Variants in TRAF2 observed in about 807,000 individuals in gnomAD.
The protein encoded by TRAF2 is TNF receptor associated factor 2.
In TRAF2, 6 loss-of-function variants were observed where a neutral mutation model predicts 55.6. The observed-to-expected ratio is 0.11, with a 90% confidence interval of 0.06 to 0.21. The LOEUF (loss-of-function observed/expected upper bound fraction) is 0.21. TRAF2 is among the 10% of genes least tolerant of loss of function. The pLI is 1.00. For missense variants in TRAF2, 561 were observed against 684.5 expected, an observed-to-expected ratio of 0.82 and a Z score of 2.01; for synonymous variants, 329 against 276.3, an observed-to-expected ratio of 1.19 and a Z score of -1.89.
chr9:136,887,828 A>C (rs775768145), intron 1 of TRAF2, among the ~76,000 whole-genome samples: 2 of 152,120 alleles, frequency 1.3e-5, no homozygotes, highest in African/African-American at 4.8e-5. Context: ...ATTTGGTATT[A>C]TTTTGAGCCT....
Position 136,903,462 on chromosome 9 carries a change from C to CT in TRAF2, c.366+2943dup, listed in dbSNP as rs1459444187. Among the ~76,000 whole-genome samples, 20 of 152,122 alleles carry CT rather than the reference C, an allele frequency of 1.3e-4. 1 individual carries two copies. Among genetic ancestry groups the CT allele is most frequent in the African/African-American group, 4.8e-4 (20 of 41,488 alleles). On this transcript the variant is annotated intron_variant, in intron 4 of 10. Coordinates refer to ENST00000247668, the MANE Select transcript of TRAF2 (RefSeq NM_021138.4). ...AAGTATGCTCGGCCTCATGGACATTCTAGTGACATTCAGAGGGATGACGAC... is the reference window on the plus strand; with the variant it reads ...AAGTATGCTCGGCCTCATGGACATTCTTAGTGACATTCAGAGGGATGACGAC...
At chr9:136,920,873 G>A (rs538622226) in intron 8 of TRAF2, among the ~76,000 whole-genome samples, 165 bp from the exon 9 acceptor site, 1 of 152,320 alleles carries the variant, frequency 6.6e-6, no homozygotes, top group Non-Finnish European at 1.5e-5. Context: ...ACCACCTCTT[G>A]GCGAGGGTGG....
At position 136,921,040 on chromosome 9, in the gene TRAF2, G is replaced by A. The variant is rs773589666; in HGVS notation, c.963G>A (p.Val321=). 6 of 1,613,618 alleles carry A rather than the reference G, an allele frequency of 3.7e-6. No homozygotes were observed. Among genetic ancestry groups the A allele is most frequent in the South Asian group, 3.3e-5 (3 of 91,088 alleles). The change falls in exon 9 of 11, where the codon GTG becomes GTA. Residue 321 remains valine, a splice_region_variant and synonymous_variant. Coordinates refer to ENST00000247668, the MANE Select transcript of TRAF2 (RefSeq NM_021138.4). The stretch of plus-strand genomic sequence containing the variant: ...AAGGTGGTCTTGGCACCCGGCAGGT[G>A]CAGCAGCTGGAGAGGAGCATTGGCC... ...QDKIEALSSK[V]QQLERSIGLK...
At chr9:136,901,372 A>T (rs940866411) in intron 4 of TRAF2, among the ~76,000 whole-genome samples, 1 of 152,220 alleles carries the variant, frequency 6.6e-6, no homozygotes, top group Non-Finnish European at 1.5e-5. Context: ...GTGTCTGCGG[A>T]TGAATGGATA....
At chr9:136,888,015 G>A (rs1236522892) in intron 1 of TRAF2, among the ~76,000 whole-genome samples, 1 of 151,990 alleles carries the variant, frequency 6.6e-6, no homozygotes, top group East Asian at 1.9e-4. Flanking sequence ...GATTACAGGC[G>A]TGCACCACCA....
chr9:136,913,016 A>G (rs1265412004), intron 6 of TRAF2, among the ~76,000 whole-genome samples: 2 of 152,166 alleles, frequency 1.3e-5, no homozygotes, highest in African/African-American at 2.4e-5. Flanking sequence ...GCACTCCTGT[A>G]ATCCCAGCTA....
intron 1 of TRAF2, 148 bp downstream of exon 1, chr9:136,886,689 G>C (rs1849458307): frequency 4.7e-6 from 2 of 422,126 alleles, no homozygotes; most frequent in Non-Finnish European, 6.4e-6. Context: ...CCGCGGGGCG[G>C]GGGCGGGGCC....
At position 136,924,948 on chromosome 9, in the gene TRAF2, A is replaced by G. The variant is rs187079907; in HGVS notation, c.1288-735A>G. ...GAGATGGGGTTTCTCCATGTTGGCC[A>G]GGCTGGTCTTGATCTCCTGACCTTG... is the stretch of plus-strand genomic sequence containing the variant. On this transcript the variant is annotated intron_variant, in intron 10 of 10. Coordinates refer to ENST00000247668, the MANE Select transcript of TRAF2 (RefSeq NM_021138.4). 1.2e-3 allele frequency among the ~76,000 whole-genome samples: 176 copies of G among 152,324 alleles called. 1 individual carries two copies. The highest frequency in any genetic ancestry group is 3.8e-3 in the African/African-American group (160 of 41,580).
intron 4 of TRAF2, among the ~76,000 whole-genome samples, chr9:136,906,589 A>G (rs1006558788): frequency 2.6e-5 from 4 of 152,102 alleles, no homozygotes; most frequent in African/African-American, 9.7e-5. Context: ...TCAAGATGAG[A>G]TTTGGGTGGG....
Position 136,920,522 on chromosome 9 carries a change from G to A in TRAF2, c.960+7G>A, listed in dbSNP as rs775668271. 4 of 1,603,248 alleles carry A rather than the reference G, an allele frequency of 2.5e-6. No individual in the cohort carries two copies. In the South Asian group the frequency reaches 4.4e-5, roughly 18 times the overall value. ...TGAAGCCCTGAGTAGCAAGGTTTGT[G>A]CCTGCCGGGTGGCCAGCCATGAGGA... On this transcript the variant is annotated splice_region_variant and intron_variant, in intron 8 of 10. Coordinates refer to ENST00000247668, the MANE Select transcript of TRAF2 (RefSeq NM_021138.4).
chr9:136,896,272 G>C (rs924952340), intron 1 of TRAF2, among the ~76,000 whole-genome samples: 15 of 152,250 alleles, frequency 9.9e-5, no homozygotes, highest in African/African-American at 2.7e-4. Context: ...TTGGAAGGAG[G>C]AGCATGGCAG....
At chr9:136,924,841 C>A (rs573298377) in intron 10 of TRAF2, among the ~76,000 whole-genome samples, 5 of 152,014 alleles carry the variant, frequency 3.3e-5, no homozygotes, top group Non-Finnish European at 2.9e-5. Flanking sequence ...TGGGTTCAAG[C>A]GATTCTCCTG....
chr9:136,899,611 G>C lies in TRAF2; in HGVS notation c.206G>C (p.Cys69Ser), dbSNP rs1188973633. ...CCCACTAGCTCTGGGCCTCAGAACTGTGCTGCCTGTGTTCACGAGGGCATA... is the reference window on the plus strand; with the variant it reads ...CCCACTAGCTCTGGGCCTCAGAACTCTGCTGCCTGTGTTCACGAGGGCATA... ...ASILSSGPQNCAACVHEGIYE... is the reference protein window; with the variant it reads ...ASILSSGPQNSAACVHEGIYE... Residue 69 changes from cysteine to serine, a missense_variant, in exon 3 of 11, where the codon TGT becomes TCT. Transcript: ENST00000247668. 6.2e-7 allele frequency: 1 copy of C among 1,613,296 alleles called. No homozygotes were observed. Among genetic ancestry groups the C allele is most frequent in the Non-Finnish European group, 8.5e-7 (1 of 1,179,342 alleles).
chr9:136,924,502 C>T (rs1850473211), intron 10 of TRAF2, among the ~76,000 whole-genome samples: 2 of 151,858 alleles, frequency 1.3e-5, no homozygotes, highest in Non-Finnish European at 2.9e-5. Flanking sequence ...GTTGAGGCTG[C>T]AGTGAGCCGA....
chr9:136,889,964 GC>G (rs1481039494), intron 1 of TRAF2, among the ~76,000 whole-genome samples: 28 of 145,192 alleles, frequency 1.9e-4, no homozygotes, highest in Non-Finnish European at 3.5e-4. Context: ...CCCACCGCAC[GC>G]TCGTTCAGCC....
intron 4 of TRAF2, among the ~76,000 whole-genome samples, chr9:136,906,577 A>C (rs1588431254): frequency 1.3e-5 from 2 of 152,146 alleles, no homozygotes; most frequent in Non-Finnish European, 2.9e-5. Flanking sequence ...GGGAGTTGCA[A>C]TTCAAGATGA....
At chr9:136,906,761 C>G (rs554476254) in intron 4 of TRAF2, among the ~76,000 whole-genome samples, 2 of 152,240 alleles carry the variant, frequency 1.3e-5, no homozygotes, top group Admixed American at 1.3e-4. Context: ...TCCTTCTTGA[C>G]TTCTCTGTGT....
intron 9 of TRAF2, among the ~76,000 whole-genome samples, chr9:136,923,260 G>A (rs925376976): frequency 6.6e-6 from 1 of 152,154 alleles, no homozygotes; most frequent in Admixed American, 6.5e-5. Flanking sequence ...AGTGGATCTC[G>A]CCATGTGGCT....
chr9:136,914,673 A>G (rs1278196816), intron 6 of TRAF2, among the ~76,000 whole-genome samples: 2 of 152,308 alleles, frequency 1.3e-5, no homozygotes, highest in East Asian at 1.9e-4. Flanking sequence ...TGACATTGCT[A>G]TACATAAGAA....
Sources: allele counts gnomAD v4.1 joint callset (sites outside exome capture counted in the v4.1 genomes callset), GRCh38; gene constraint gnomAD v4.1.1; transcripts MANE v1.5; gene names NCBI Gene and HGNC (gene_info 2026-07-23, HGNC 2026-07-21).